Variants in CHPT1 observed in about 807,000 individuals in gnomAD.
The protein encoded by CHPT1 is cholinephosphotransferase 1.
Under a neutral mutation model 47.6 loss-of-function variants are expected in CHPT1, and 36 were observed. That is an observed-to-expected ratio of 0.76 (90% CI 0.58 to 1.00). The LOEUF is 1.00. Among genes scored for constraint, CHPT1 ranks in the 50% least tolerant of loss-of-function variants. CHPT1 has a pLI of 0.00. For synonymous variants in CHPT1, 194 were observed against 186.3 expected, an observed-to-expected ratio of 1.04 and a Z score of -0.33; for missense variants, 458 against 498.1, an observed-to-expected ratio of 0.92 and a Z score of 0.77.
intron 2 of CHPT1, 57 bp downstream of exon 2, chr12:101,714,294 G>A (rs2137014983): frequency 6.9e-7 from 1 of 1,455,500 alleles, no homozygotes; most frequent in East Asian, 2.3e-5. Context: ...AATGAACTGA[G>A]CTGTTTGGTC....
intron 8 of CHPT1, chr12:101,728,326 A>C (rs751665258): frequency 3.9e-5 from 6 of 152,744 alleles, no homozygotes; most frequent in Admixed American, 1.9e-4. Flanking sequence ...TCTTAATTTA[A>C]TTGCAGACCA....
chr12:101,721,482 C>T (rs189579588), intron 5 of CHPT1, among the ~76,000 whole-genome samples: 3 of 152,098 alleles, frequency 2.0e-5, no homozygotes, highest in East Asian at 1.9e-4. Flanking sequence ...AGTAGACTTT[C>T]GAGACAATTT....
chr12:101,720,617 C>A (rs1211364245), intron 5 of CHPT1, among the ~76,000 whole-genome samples: 2 of 152,070 alleles, frequency 1.3e-5, no homozygotes, highest in African/African-American at 4.8e-5. Flanking sequence ...TCAATGGTTT[C>A]ACATATGGGG....
chr12:101,726,221 GAGA>G (rs1951940634), intron 7 of CHPT1, 70 bp from the exon 8 acceptor site: 2 of 967,512 alleles, frequency 2.1e-6, no homozygotes, highest in South Asian at 3.0e-5. Flanking sequence ...ATATTTGGGG[GAGA>G]AACAGAATAG....
At chr12:101,716,520 A>G (rs895071537) in intron 3 of CHPT1, among the ~76,000 whole-genome samples, 2 of 152,206 alleles carry the variant, frequency 1.3e-5, no homozygotes, top group Middle Eastern at 3.2e-3. Context: ...CTCTGCATAT[A>G]CCGTTACCTA....
intron 1 of CHPT1, among the ~76,000 whole-genome samples, chr12:101,712,061 C>T (rs760036774): frequency 7.4e-5 from 11 of 148,720 alleles, no homozygotes; most frequent in Non-Finnish European, 1.2e-4. Flanking sequence ...CTCGCTCTGT[C>T]ACCCAGGCTG....
intron 7 of CHPT1, among the ~76,000 whole-genome samples, chr12:101,726,017 G>A (rs1182119896): frequency 1.3e-5 from 2 of 152,132 alleles, no homozygotes; most frequent in African/African-American, 4.8e-5. Flanking sequence ...GAAACAATGT[G>A]GAGTCAGGAG....
At chr12:101,711,564 G>A (rs1951701805) in intron 1 of CHPT1, among the ~76,000 whole-genome samples, 2 of 146,750 alleles carry the variant, frequency 1.4e-5, no homozygotes, top group Non-Finnish European at 3.0e-5. Flanking sequence ...CAGGTCAAAG[G>A]ATACATTACA....
intron 4 of CHPT1, chr12:101,719,784 CAGTTTCAAAAAAA>C (rs1474777618): frequency 4.2e-6 from 1 of 236,236 alleles, no homozygotes; most frequent in East Asian, 1.3e-4. Context: ...ATGAAGAAAG[CAGTTTCAAAAAAA>C]AGTCACTTTA....
chr12:101,700,204 A>T (rs144403717), intron 1 of CHPT1, among the ~76,000 whole-genome samples: 10 of 152,228 alleles, frequency 6.6e-5, no homozygotes, highest in Non-Finnish European at 1.5e-4. Flanking sequence ...CATTTGTTGA[A>T]CACTTAGAAA....
intron 1 of CHPT1, among the ~76,000 whole-genome samples, chr12:101,701,488 T>G (rs1323283791): frequency 6.6e-6 from 1 of 152,220 alleles, no homozygotes; most frequent in Non-Finnish European, 1.5e-5. Context: ...GTACTATTAG[T>G]ATCATCATTT....
Position 101,720,116 on chromosome 12 carries a change from C to A in CHPT1, c.649-7C>A, listed in dbSNP as rs201833858. The A allele has an allele frequency of 8.9e-6, 14 of 1,575,918 alleles. No homozygotes were observed. The highest frequency in any genetic ancestry group is 2.4e-5 in the South Asian group (2 of 84,810). On this transcript the variant is annotated splice_polypyrimidine_tract_variant and splice_region_variant and intron_variant, in intron 4 of 8. Transcript: ENST00000229266. ...GTCTTAATTGTTTCTTTCTTCTACC[C>A]CTAAAGATTCCTATTCTAGAAATAA...
chr12:101,726,460 G>A, intron 8 of CHPT1, 56 bp downstream of exon 8: 2 of 1,595,938 alleles, frequency 1.3e-6, no homozygotes, highest in Non-Finnish European at 1.7e-6. Context: ...ATGAAGTTAG[G>A]GGAATCTATG....
Position 101,723,810 on chromosome 12 carries a change from A to G in CHPT1, c.1028A>G (p.Asn343Ser). 6.5e-7 allele frequency: 1 copy of G among 1,546,576 alleles called. No homozygotes were observed. Among genetic ancestry groups the G allele is most frequent in the Non-Finnish European group, 8.9e-7 (1 of 1,124,010 alleles). ...TTGTTTTTAGACCAGTACTTTAATA[A>G]CTTTATAGACGAATATGTTGTTCTA... ...GLLFLDQYFNNFIDEYVVLWM... is the reference protein window; with the variant it reads ...GLLFLDQYFNSFIDEYVVLWM... The change falls in exon 7 of 9, where the codon AAC becomes AGC. Residue 343 changes from asparagine (N) to serine (S), a missense_variant. Transcript: ENST00000229266.
chr12:101,709,690 T>G (rs1951680170), intron 1 of CHPT1, among the ~76,000 whole-genome samples: 1 of 148,944 alleles, frequency 6.7e-6, no homozygotes, highest in Non-Finnish European at 1.5e-5. Flanking sequence ...GGCAGATCAT[T>G]GTGCCTTTCT....
chr12:101,719,858 A>G (rs1951821483), intron 4 of CHPT1: 1 of 229,230 alleles, frequency 4.4e-6, no homozygotes, highest in Non-Finnish European at 8.4e-6. Context: ...ACAGTCAGTT[A>G]CAGGTCAAAC....
chr12:101,728,509 C>T (rs546199022), intron 8 of CHPT1: 8 of 166,718 alleles, frequency 4.8e-5, no homozygotes, highest in Non-Finnish European at 9.1e-5. Flanking sequence ...TCATTAGAAT[C>T]GGTTGTACAA....
At chr12:101,710,893 AATTTTACATATG>A (rs1951694790) in intron 1 of CHPT1, among the ~76,000 whole-genome samples, 1 of 148,762 alleles carries the variant, frequency 6.7e-6, no homozygotes, top group Non-Finnish European at 1.5e-5. Context: ...TTCAATGTCC[AATTTTACATATG>A]TTTGACGTGT....
intron 1 of CHPT1, among the ~76,000 whole-genome samples, chr12:101,713,831 A>G (rs1182108445): frequency 6.6e-6 from 1 of 152,196 alleles, no homozygotes; most frequent in East Asian, 1.9e-4. Flanking sequence ...CCATGGATGT[A>G]AGAATCAAGA....
Sources: allele counts gnomAD v4.1 joint callset (sites outside exome capture counted in the v4.1 genomes callset), GRCh38; gene constraint gnomAD v4.1.1; transcripts MANE v1.5; gene names NCBI Gene and HGNC (gene_info 2026-07-23, HGNC 2026-07-21).